NR2C2: variants seen among roughly 807,000 people sequenced by gnomAD.
NR2C2 encodes nuclear receptor subfamily 2 group C member 2, also known as Nuclear hormone receptor TR4.
NR2C2 carries 6 observed loss-of-function variants against 62.9 expected under a neutral mutation model. The observed-to-expected ratio is 0.10, with a 90% CI of 0.05 to 0.19. The LOEUF (loss-of-function observed/expected upper bound fraction) is 0.19. NR2C2 is among the 10% of genes least tolerant of loss of function. The pLI is 1.00. For missense variants in NR2C2, 479 were observed against 762.7 expected (o/e 0.63, Z 4.38); for synonymous variants, 272 against 273.8 (o/e 0.99, Z 0.07).
chr3:14,979,184 C>T (rs972020114), intron 1 of NR2C2, among the ~76,000 whole-genome samples: 10 of 151,862 alleles, frequency 6.6e-5, no homozygotes, highest in East Asian at 1.9e-4. Context: ...TGTTTTTGTT[C>T]CTTTACTCAT....
In NR2C2 at chr3:15,031,034, A is replaced by T. The variant is rs116965886; in HGVS notation, c.1110+582A>T. The stretch of plus-strand genomic sequence containing the variant: ...CCCATCATTACTAAGACAGGCTGAC[A>T]TAGTGGTAACTGCTGAGGGCTGAAT... On this transcript the variant is annotated intron_variant, in intron 9 of 13. Transcript: ENST00000425241. Among the ~76,000 whole-genome samples the T allele has an allele frequency of 1.7e-3, 258 of 152,292 alleles. 7 individuals are homozygous for T. The East Asian group carries it at 0.047, about 28-fold the overall frequency.
At chr3:15,011,046 T>C (rs1478205903) in intron 2 of NR2C2, among the ~76,000 whole-genome samples, 2 of 152,130 alleles carry the variant, frequency 1.3e-5, no homozygotes, top group East Asian at 1.9e-4. Context: ...CAAAAATTGA[T>C]AGACATGAGC....
intron 1 of NR2C2, among the ~76,000 whole-genome samples, chr3:14,975,874 T>C (rs760992530): frequency 6.6e-6 from 1 of 152,150 alleles, no homozygotes; most frequent in Admixed American, 6.5e-5. Context: ...TGATTACTTA[T>C]TCTATCTTCT....
chr3:15,033,443 G>A (rs1214253925), intron 10 of NR2C2, among the ~76,000 whole-genome samples: 1 of 152,162 alleles, frequency 6.6e-6, no homozygotes. Context: ...GTCAGGTGGT[G>A]TGGGATGTGT....
intron 1 of NR2C2, among the ~76,000 whole-genome samples, chr3:14,952,694 C>G (rs914478229): frequency 2.0e-5 from 3 of 152,178 alleles, no homozygotes; most frequent in Non-Finnish European, 4.4e-5. Flanking sequence ...AAGATATGTT[C>G]TTCCTTATTC....
At chr3:14,971,333 G>A (rs1299237453) in intron 1 of NR2C2, among the ~76,000 whole-genome samples, 2 of 151,534 alleles carry the variant, frequency 1.3e-5, no homozygotes, top group African/African-American at 4.9e-5. Flanking sequence ...GGCCAAGCTG[G>A]TCTCAAACTC....
chr3:15,032,272 A>G (rs954223796), intron 9 of NR2C2, 107 bp from the exon 10 acceptor site: 4 of 1,493,134 alleles, frequency 2.7e-6, no homozygotes, highest in Non-Finnish European at 2.8e-6. Flanking sequence ...TCAGACAGCA[A>G]CTCTAGATGC....
At position 15,032,456 on chromosome 3, in the gene NR2C2, C is replaced by T; in HGVS notation, c.1188C>T (p.Leu396=). Residue 396 remains leucine (L), a synonymous_variant, in exon 10 of 14, where the codon CTC becomes CTT. Coordinates refer to ENST00000425241, the MANE Select transcript of NR2C2 (RefSeq NM_001291694.2). ...AGTCTGCATCCCGTCTGCTTTTCCT[C>T]TCAATGCACTGGGCTCGGTCAATCC... The part of the protein sequence containing the change: ...ICESASRLLF[L]SMHWARSIPA... The T allele has an allele frequency of 1.2e-6, 2 of 1,614,228 alleles. No individual in the cohort carries two copies. The highest frequency in any genetic ancestry group is 8.5e-7 in the Non-Finnish European group (1 of 1,180,036).
intron 7 of NR2C2, among the ~76,000 whole-genome samples, chr3:15,024,750 G>C (rs77222472): frequency 0.07 from 10,619 of 152,252 alleles, 496 homozygotes; most frequent in Admixed American, 0.099. Flanking sequence ...TTCCAGGCCA[G>C]GGAACTCACT....
At position 15,048,223 on chromosome 3, in the gene NR2C2, A is replaced by C. The variant is rs1160772653; in HGVS notation, c.*5215A>C. On this transcript the variant is annotated 3_prime_UTR_variant, in exon 14 of 14. Transcript: ENST00000425241. ...GCTTCCCTGTTTTTGATGTAGAGAA[A>C]GCTTCTATTTCACTGGCCTCATCCC... The C allele has an allele frequency of 1.3e-5, 2 of 152,658 alleles. No homozygotes were observed. The highest frequency in any genetic ancestry group is 2.9e-5 in the Non-Finnish European group (2 of 68,042). The allele number at this position is 152,658 out of a possible 1,614,324, so 9.5% of individuals were successfully genotyped here.
intron 3 of NR2C2, among the ~76,000 whole-genome samples, chr3:15,014,640 G>C (rs2041454983): frequency 6.6e-6 from 1 of 151,956 alleles, no homozygotes; most frequent in Non-Finnish European, 1.5e-5. Context: ...TCATTGAATA[G>C]TAACTCTCCT....
chr3:15,018,041 C>G (rs186235247), intron 4 of NR2C2, among the ~76,000 whole-genome samples: 78 of 152,282 alleles, frequency 5.1e-4, no homozygotes, highest in Non-Finnish European at 9.7e-4. Context: ...CTCTGTCCCT[C>G]AGGTTGGAGT....
intron 13 of NR2C2, among the ~76,000 whole-genome samples, chr3:15,041,051 C>T (rs563073887): frequency 6.6e-6 from 1 of 152,210 alleles, no homozygotes; most frequent in African/African-American, 2.4e-5. Context: ...CAGTCAGGGA[C>T]CCAGGGTTGG....
At chr3:15,029,744 C>T (rs1197778469) in intron 8 of NR2C2, among the ~76,000 whole-genome samples, 2 of 151,450 alleles carry the variant, frequency 1.3e-5, no homozygotes, top group African/African-American at 4.9e-5. Context: ...CACTTGATCC[C>T]AGGGGTTTGA....
chr3:14,978,642 C>T (rs376159268), intron 1 of NR2C2, among the ~76,000 whole-genome samples: 167 of 152,188 alleles, frequency 1.1e-3, no homozygotes, highest in African/African-American at 3.7e-3. Flanking sequence ...TCTTTTTGTC[C>T]TTGCTTGTTT....
At chr3:15,024,650 T>C (rs2041772206) in intron 7 of NR2C2, among the ~76,000 whole-genome samples, 1 of 152,164 alleles carries the variant, frequency 6.6e-6, no homozygotes, top group Admixed American at 6.5e-5. Context: ...AGATCAGTCA[T>C]AGGGATTTAA....
At chr3:14,994,873 C>A (rs1489106022) in intron 1 of NR2C2, among the ~76,000 whole-genome samples, 1 of 150,288 alleles carries the variant, frequency 6.7e-6, no homozygotes, top group South Asian at 2.1e-4. Context: ...TATGATTGTG[C>A]CACTGCACTT....
At chr3:14,993,227 G>A (rs2040718379) in intron 1 of NR2C2, among the ~76,000 whole-genome samples, 1 of 152,156 alleles carries the variant, frequency 6.6e-6, no homozygotes, top group African/African-American at 2.4e-5. Flanking sequence ...GCCAAGACAG[G>A]CGGATCACCT....
chr3:15,018,860 C>A (rs2041588304), intron 4 of NR2C2, among the ~76,000 whole-genome samples: 1 of 151,520 alleles, frequency 6.6e-6, no homozygotes, highest in African/African-American at 2.4e-5. Flanking sequence ...ACTAAAAATA[C>A]AAAAATTAGC....
Sources: allele counts gnomAD v4.1 joint callset (sites outside exome capture counted in the v4.1 genomes callset), GRCh38; gene constraint gnomAD v4.1.1; transcripts MANE v1.5; gene names NCBI Gene and HGNC (gene_info 2026-07-23, HGNC 2026-07-21).